The following SLC9A2 variants were observed in gnomAD, a reference collection of about 807,000 sequenced individuals.
SLC9A2 encodes the protein sodium/hydrogen exchanger 2.
Under a neutral mutation model 71.7 loss-of-function variants are expected in SLC9A2, and 42 were observed. The observed-to-expected ratio is 0.59, with a 90% CI of 0.46 to 0.76. The LOEUF (loss-of-function observed/expected upper bound fraction) is 0.76. Ranked by LOEUF, SLC9A2 falls within the 30% of genes least tolerant of loss-of-function variation. The pLI, the probability that SLC9A2 is intolerant of heterozygous loss-of-function variation, is 0.00. For missense variants in SLC9A2, 829 were observed against 1,017.4 expected (o/e 0.81, Z 2.52); for synonymous variants, 396 against 392.5 (o/e 1.01, Z -0.10).
At chr2:102,688,464 T>C (rs1300167231) in intron 5 of SLC9A2, among the ~76,000 whole-genome samples, 1 of 152,230 alleles carries the variant, frequency 6.6e-6, no homozygotes, top group Non-Finnish European at 1.5e-5. Context: ...GTGCAGTGGC[T>C]CACGCCTGTA....
chr2:102,673,782 T>C (rs1573420341), intron 3 of SLC9A2, among the ~76,000 whole-genome samples: 1 of 151,026 alleles, frequency 6.6e-6, no homozygotes, highest in East Asian at 1.9e-4. Context: ...TGCTGAGAAA[T>C]AAATACTTTT....
At chr2:102,687,544 T>C (rs1274936302) in intron 5 of SLC9A2, among the ~76,000 whole-genome samples, 2 of 152,226 alleles carry the variant, frequency 1.3e-5, no homozygotes, top group East Asian at 3.8e-4. Context: ...TACTAAACTT[T>C]AAATATGTTT....
At chr2:102,695,629 G>A (rs62152131) in intron 7 of SLC9A2, among the ~76,000 whole-genome samples, 38,539 of 150,514 alleles carry the variant, frequency 0.26, 5,845 homozygotes, top group Admixed American at 0.35. Context: ...GCAGGCTGAG[G>A]AATGCAATCT....
At chr2:102,694,906 T>G in intron 6 of SLC9A2, 137 bp from the exon 7 acceptor site, 1 of 692,556 alleles carries the variant, frequency 1.4e-6, no homozygotes, top group Middle Eastern at 3.9e-4. Flanking sequence ...ACTGTTTTAT[T>G]GCTTTTGGTA....
chr2:102,656,607 T>A (rs1362592654), intron 1 of SLC9A2, among the ~76,000 whole-genome samples: 1 of 152,194 alleles, frequency 6.6e-6, no homozygotes, highest in Non-Finnish European at 1.5e-5. Flanking sequence ...ATTGATTGGG[T>A]TGTCTCTGAA....
chr2:102,627,947 A>G (rs1676282051), intron 1 of SLC9A2, among the ~76,000 whole-genome samples: 3 of 152,132 alleles, frequency 2.0e-5, no homozygotes, highest in African/African-American at 7.2e-5. Context: ...ATTGACATGC[A>G]CTTATGCTAA....
At chr2:102,662,667 A>G (rs1677069936) in intron 2 of SLC9A2, among the ~76,000 whole-genome samples, 1 of 152,076 alleles carries the variant, frequency 6.6e-6, no homozygotes. Context: ...GAGAAAGGAC[A>G]AGGAAAGGAA....
At chr2:102,692,304 G>GA (rs1164063166) in intron 5 of SLC9A2, among the ~76,000 whole-genome samples, 31 of 151,194 alleles carry the variant, frequency 2.1e-4, no homozygotes, top group South Asian at 8.3e-4. Context: ...TAGACTGATG[G>GA]AAAAAAGCCA....
At chr2:102,665,002 A>G (rs1463281772) in intron 2 of SLC9A2, 98 bp from the exon 3 acceptor site, 7 of 1,269,178 alleles carry the variant, frequency 5.5e-6, no homozygotes, top group Non-Finnish European at 2.2e-6. Flanking sequence ...CACAGAAGAA[A>G]TGTCCTTATT....
chr2:102,699,791 G>C (rs536553518), intron 7 of SLC9A2, among the ~76,000 whole-genome samples: 4 of 152,094 alleles, frequency 2.6e-5, no homozygotes, highest in African/African-American at 9.7e-5. Context: ...TGAGGGCCAC[G>C]AGGGAAGGTT....
intron 9 of SLC9A2, 93 bp from the exon 10 acceptor site, chr2:102,704,451 C>A: frequency 7.9e-7 from 1 of 1,263,660 alleles, no homozygotes; most frequent in East Asian, 2.5e-5. Context: ...AGGTGCAGAT[C>A]CAAAGAAATG....
intron 11 of SLC9A2, 151 bp from the exon 12 acceptor site, chr2:102,707,968 C>A: frequency 1.3e-6 from 1 of 763,938 alleles, no homozygotes; most frequent in South Asian, 1.8e-5. Flanking sequence ...ATGCACAAGG[C>A]CACTCACCTA....
chr2:102,707,227 TG>T (rs1677997053), intron 11 of SLC9A2, among the ~76,000 whole-genome samples: 1 of 151,886 alleles, frequency 6.6e-6, no homozygotes, highest in East Asian at 1.9e-4. Context: ...GTAACAAATC[TG>T]CACATGTACC....
chr2:102,672,086 G>T (rs11123945), intron 3 of SLC9A2, among the ~76,000 whole-genome samples: 49,812 of 151,820 alleles, frequency 0.33, 8,774 homozygotes, highest in East Asian at 0.52. Flanking sequence ...TCCAGCCTGG[G>T]AGACAAAGCA....
At chr2:102,661,990 T>C (rs1677057113) in intron 2 of SLC9A2, among the ~76,000 whole-genome samples, 1 of 152,214 alleles carries the variant, frequency 6.6e-6, no homozygotes, top group Admixed American at 6.5e-5. Context: ...AGAAGAATTT[T>C]ATCTCGTGCT....
At chr2:102,640,975 C>T (rs572669381) in intron 1 of SLC9A2, among the ~76,000 whole-genome samples, 2 of 152,322 alleles carry the variant, frequency 1.3e-5, no homozygotes, top group African/African-American at 4.8e-5. Context: ...ACAGATGCTC[C>T]TATTGCCCTT....
chr2:102,652,383 A>C (rs750259670), intron 1 of SLC9A2, among the ~76,000 whole-genome samples: 5 of 152,142 alleles, frequency 3.3e-5, no homozygotes, highest in Non-Finnish European at 1.5e-5. Context: ...GCTCCCCTGC[A>C]GCCCAAGCAC....
At chr2:102,633,866 G>A (rs1676419806) in intron 1 of SLC9A2, among the ~76,000 whole-genome samples, 1 of 152,176 alleles carries the variant, frequency 6.6e-6, no homozygotes, top group Admixed American at 6.5e-5. Context: ...AACTACAACA[G>A]ATTTACAGGA....
At chr2:102,625,712 G>C (rs1676234322) in intron 1 of SLC9A2, among the ~76,000 whole-genome samples, 2 of 152,104 alleles carry the variant, frequency 1.3e-5, no homozygotes, top group South Asian at 2.1e-4. Flanking sequence ...TCTTAATCCA[G>C]TCTATCATTG....
Sources: gnomAD v4.1 joint callset for allele counts (sites outside exome capture counted in the v4.1 genomes callset) on GRCh38, gnomAD v4.1.1 for gene constraint, MANE v1.5 for transcripts, NCBI Gene and HGNC (gene_info 2026-07-23, HGNC 2026-07-21) for gene names.